Variants in PRKN observed in about 807,000 individuals in gnomAD.
PRKN encodes the protein E3 ubiquitin-protein ligase parkin.
Under a neutral mutation model 59.5 loss-of-function variants are expected in PRKN, and 56 were observed. The ratio of observed to expected loss-of-function variants is 0.94; its 90% CI spans 0.76 to 1.18. The LOEUF (loss-of-function observed/expected upper bound fraction) is 1.18, where lower values mean the gene tolerates loss of function less well. Among genes scored for constraint, PRKN ranks in the 50% most tolerant of loss-of-function variants. The pLI is 0.00. For missense variants in PRKN, 657 were observed against 596.4 expected, an observed-to-expected ratio of 1.10 and a Z score of -1.06; for synonymous variants, 250 against 222.1, an observed-to-expected ratio of 1.13 and a Z score of -1.12.
rs370018291 is a variant in PRKN at position 161,529,123 on chromosome 6, G to A, written c.1083+19731C>T. On this transcript the variant is annotated intron_variant, in intron 9 of 11. Transcript: ENST00000366898. The surrounding 1 kb of genome is among the most constrained non-coding windows in gnomAD (Gnocchi z 4.4). ...TACGAGCCACAACCACAGACTCTACGCTGCGTTCCTCTCCCTAGTCACCGC... is the reference window on the plus strand; with the variant it reads ...TACGAGCCACAACCACAGACTCTACACTGCGTTCCTCTCCCTAGTCACCGC... 1.4e-4 allele frequency among the ~76,000 whole-genome samples: 21 copies of A among 152,220 alleles called. No homozygotes were observed. The highest frequency in any genetic ancestry group is 2.5e-4 in the Non-Finnish European group (17 of 68,018).
In PRKN at chr6:161,562,737, CA is replaced by C. The variant is rs1379546223; in HGVS notation, c.933+6617del. Among the ~76,000 whole-genome samples the C allele has an allele frequency of 1.3e-5, 2 of 152,326 alleles. No homozygotes were observed. The highest frequency in any genetic ancestry group is 2.1e-4 in the South Asian group (1 of 4,820). ...CAAACTCCTTCCTTTCCCTGACCCACAGCCAGTCAGTCACCAAGTCCTTGAA... is the reference window on the plus strand; with the variant it reads ...CAAACTCCTTCCTTTCCCTGACCCACGCCAGTCAGTCACCAAGTCCTTGAA... On this transcript the variant is annotated intron_variant, in intron 8 of 11. Coordinates refer to ENST00000366898, the MANE Select transcript of PRKN (RefSeq NM_004562.3). The surrounding 1 kb of genome is among the most constrained non-coding windows in gnomAD (Gnocchi z 4.3).
intron 6 of PRKN, among the ~76,000 whole-genome samples, chr6:161,820,138 C>T (rs1306633051): frequency 6.6e-6 from 1 of 151,934 alleles, no homozygotes; most frequent in Non-Finnish European, 1.5e-5. Flanking sequence ...AACTTTTTTA[C>T]CAGAAAGAGA....
chr6:162,446,928 C>T (rs1790341843), intron 1 of PRKN, among the ~76,000 whole-genome samples: 1 of 152,160 alleles, frequency 6.6e-6, no homozygotes, highest in African/African-American at 2.4e-5. Flanking sequence ...GAAGGCAGAA[C>T]GTCTTTAGAG....
At chr6:162,235,983 AAGAAAGAAAGAAAG>A (rs1778679166) in intron 3 of PRKN, among the ~76,000 whole-genome samples, 1 of 108,060 alleles carries the variant, frequency 9.3e-6, no homozygotes, top group African/African-American at 4.2e-5. Flanking sequence ...GAAAGAAAGA[AAGAAAGAAAGAAAG>A]AAAGAAAGAA....
chr6:161,472,291 C>T (rs1451194278), intron 9 of PRKN, among the ~76,000 whole-genome samples: 4 of 152,212 alleles, frequency 2.6e-5, no homozygotes, highest in East Asian at 3.9e-4. Context: ...ACTTGCAGAA[C>T]GTGTTGGGAG....
At chr6:161,559,388 G>A (rs985750902) in intron 8 of PRKN, among the ~76,000 whole-genome samples, 9 of 152,222 alleles carry the variant, frequency 5.9e-5, no homozygotes, top group Admixed American at 1.3e-4. Flanking sequence ...GTGGTGAAGC[G>A]TCTCCTGATG....
chr6:162,119,057 G>GA (rs1780796626), intron 4 of PRKN, among the ~76,000 whole-genome samples: 1 of 152,204 alleles, frequency 6.6e-6, no homozygotes, highest in African/African-American at 2.4e-5. Context: ...AGATATTATA[G>GA]TAGTAAGTGA....
Position 162,190,174 on chromosome 6 carries a change from G to A in PRKN, c.534+10957C>T, listed in dbSNP as rs1054906161. On this transcript the variant is annotated intron_variant, in intron 4 of 11. Coordinates refer to ENST00000366898, the MANE Select transcript of PRKN (RefSeq NM_004562.3). ...ATAGACTCTGGCATCAGTGAGTATC[G>A]TGCCCTACAACAAACCCACTTGGCT... is the stretch of plus-strand genomic sequence containing the variant. 8.5e-5 allele frequency among the ~76,000 whole-genome samples: 13 copies of A among 152,188 alleles called. 1 individual carries two copies. Among genetic ancestry groups the A allele is most frequent in the African/African-American group, 2.9e-4 (12 of 41,502 alleles).
intron 6 of PRKN, among the ~76,000 whole-genome samples, chr6:161,834,447 G>A (rs535815491): frequency 5.9e-5 from 9 of 152,090 alleles, no homozygotes; most frequent in South Asian, 2.1e-4. Flanking sequence ...AATAGCCTGC[G>A]GTAACTAGGC....
intron 7 of PRKN, among the ~76,000 whole-genome samples, chr6:161,638,798 G>C (rs1048576576): frequency 7.0e-6 from 1 of 143,090 alleles, no homozygotes; most frequent in Non-Finnish European, 1.5e-5. Context: ...CTGGAGTGCA[G>C]TGGCACGATC....
intron 6 of PRKN, among the ~76,000 whole-genome samples, chr6:161,803,497 G>T (rs1314022511): frequency 2.6e-5 from 4 of 152,172 alleles, no homozygotes; most frequent in Non-Finnish European, 5.9e-5. Context: ...CTGTCCTTGG[G>T]TAGCCACTGG....
intron 9 of PRKN, among the ~76,000 whole-genome samples, chr6:161,491,933 A>G (rs1261951653): frequency 6.6e-6 from 1 of 152,164 alleles, no homozygotes; most frequent in Non-Finnish European, 1.5e-5. Context: ...TGCCCGGCCT[A>G]TGACTTAACT....
chr6:162,662,013 C>A (rs1778904100), intron 1 of PRKN, among the ~76,000 whole-genome samples: 1 of 152,034 alleles, frequency 6.6e-6, no homozygotes, highest in African/African-American at 2.4e-5. Context: ...CCACTATGTC[C>A]ATGTGTACAT....
In PRKN at chr6:162,107,437, C is replaced by T. The variant is rs188272996; in HGVS notation, c.535-53263G>A. Among the ~76,000 whole-genome samples the T allele has an allele frequency of 3.2e-3, 491 of 152,276 alleles. 2 individuals carry two copies. The highest frequency in any genetic ancestry group is 4.6e-3 in the Non-Finnish European group (310 of 68,024). On this transcript the variant is annotated intron_variant, in intron 4 of 11. Transcript: ENST00000366898. ...CCGAGATCGCACCTCTGTACTCCAG[C>T]CTGGGCGACAGAGCGAGACTCTGTC...
chr6:161,619,691 A>G (rs1189077937), intron 7 of PRKN, among the ~76,000 whole-genome samples: 2 of 152,134 alleles, frequency 1.3e-5, no homozygotes, highest in Non-Finnish European at 2.9e-5. Flanking sequence ...GGTCTCTGAG[A>G]CAGCAGAGTC....
chr6:162,205,361 A>G (rs1157393255), intron 3 of PRKN, among the ~76,000 whole-genome samples: 2 of 152,124 alleles, frequency 1.3e-5, no homozygotes, highest in Non-Finnish European at 2.9e-5. Context: ...CTTTACAGTT[A>G]TCATTTTTCT....
chr6:162,640,930 G>A (rs575447956), intron 1 of PRKN, among the ~76,000 whole-genome samples: 13 of 152,260 alleles, frequency 8.5e-5, no homozygotes, highest in East Asian at 7.7e-4. Flanking sequence ...GACTCATGGC[G>A]AAGGTCATAT....
chr6:161,874,212 A>AAT (rs1383122972), intron 6 of PRKN, among the ~76,000 whole-genome samples: 1 of 36,168 alleles, frequency 2.8e-5, no homozygotes, highest in East Asian at 1.0e-3. Flanking sequence ...TTATATGTAA[A>AAT]ATATAATATA....
chr6:162,156,106 C>T lies in PRKN; in HGVS notation c.534+45025G>A, dbSNP rs375067055. Among the ~76,000 whole-genome samples the T allele has an allele frequency of 3.3e-4, 50 of 152,192 alleles. 1 individual carries two copies. In the East Asian group the frequency reaches 8.3e-3, roughly 25 times the overall value. On this transcript the variant is annotated intron_variant, in intron 4 of 11. Coordinates refer to ENST00000366898, the MANE Select transcript of PRKN (RefSeq NM_004562.3). Reference sequence around the variant, plus strand: ...CTAAAATATTTTAATATTTACATCCCTATGTACTGTATATATATTTTTGCT... The same window carrying T: ...CTAAAATATTTTAATATTTACATCCTTATGTACTGTATATATATTTTTGCT...
Sources: allele counts gnomAD v4.1 joint callset (sites outside exome capture counted in the v4.1 genomes callset), GRCh38; gene constraint gnomAD v4.1.1; non-coding constraint Gnocchi (gnomAD v3.1); transcripts MANE v1.5; gene names NCBI Gene and HGNC (gene_info 2026-07-23, HGNC 2026-07-21).